Variants in CASK observed in about 807,000 individuals in gnomAD.
CASK encodes the protein peripheral plasma membrane protein CASK.
A neutral mutation model predicts 82.9 loss-of-function variants in CASK; 4 were observed. The observed-to-expected ratio is 0.05, with a 90% confidence interval of 0.02 to 0.11. The LOEUF (loss-of-function observed/expected upper bound fraction) is 0.11, where lower values mean the gene tolerates loss of function less well. CASK is among the 10% of genes least tolerant of loss of function. CASK has a pLI of 1.00. For synonymous variants in CASK, 259 were observed against 253.5 expected, an observed-to-expected ratio of 1.02 and a Z score of -0.20; for missense variants, 358 against 720.9, an observed-to-expected ratio of 0.50 and a Z score of 5.76.
chrX:41,631,521 T>A (rs1327907258), intron 9 of CASK, among the ~76,000 whole-genome samples: 8 of 111,852 alleles, frequency 7.2e-5, no homozygotes, highest in Non-Finnish European at 1.1e-4. Flanking sequence ...CAGGCTGGAG[T>A]GCAATGGTGC....
intron 6 of CASK, among the ~76,000 whole-genome samples, chrX:41,670,678 G>C (rs757907422): frequency 9.0e-5 from 10 of 110,972 alleles, no homozygotes; most frequent in African/African-American, 3.3e-4. Flanking sequence ...AGCCTGGAAG[G>C]TCAAGGGTGC....
At chrX:41,680,319 TA>T (rs2067329848) in intron 5 of CASK, among the ~76,000 whole-genome samples, 1 of 109,875 alleles carries the variant, frequency 9.1e-6, no homozygotes, top group African/African-American at 3.3e-5. Context: ...CTAACTCTAC[TA>T]AAAATACAAA....
At chrX:41,682,831 T>A (rs1361454771) in intron 5 of CASK, among the ~76,000 whole-genome samples, 1 of 109,874 alleles carries the variant, frequency 9.1e-6, no homozygotes, top group African/African-American at 3.3e-5. Context: ...CCCAGGCTCA[T>A]CTCAAACTCC....
intron 9 of CASK, among the ~76,000 whole-genome samples, chrX:41,627,007 T>C (rs2066389518): frequency 8.9e-6 from 1 of 112,083 alleles, no homozygotes; most frequent in African/African-American, 3.2e-5. Context: ...GAAGGGTGTT[T>C]AGTGGAATGA....
intron 14 of CASK, among the ~76,000 whole-genome samples, chrX:41,579,282 C>T (rs1164670070): frequency 9.0e-6 from 1 of 111,726 alleles, no homozygotes; most frequent in Non-Finnish European, 1.9e-5. Context: ...CAAAATATCA[C>T]GTATGATATG....
At chrX:41,546,893 T>C (rs2065030322) in intron 21 of CASK, among the ~76,000 whole-genome samples, 1 of 112,103 alleles carries the variant, frequency 8.9e-6, no homozygotes, top group Admixed American at 9.5e-5. Context: ...AACCCTGCTT[T>C]GACAATTATT....
chrX:41,570,770 T>C (rs2065401689), intron 15 of CASK, among the ~76,000 whole-genome samples: 1 of 112,205 alleles, frequency 8.9e-6, no homozygotes, highest in Non-Finnish European at 1.9e-5. Context: ...CATGTATCAG[T>C]AGTTTGTTCT....
At chrX:41,898,482 G>A (rs1181141015) in intron 1 of CASK, among the ~76,000 whole-genome samples, 6 of 109,969 alleles carry the variant, frequency 5.5e-5, no homozygotes, top group East Asian at 2.8e-4. Flanking sequence ...TTTTGGCCTC[G>A]AGCTTAGTTT....
intron 3 of CASK, among the ~76,000 whole-genome samples, chrX:41,773,810 G>T (rs1423227190): frequency 1.8e-5 from 2 of 111,252 alleles, no homozygotes; most frequent in Non-Finnish European, 3.8e-5. Flanking sequence ...TGGTACACTG[G>T]TATAGGGCAC....
chrX:41,639,439 T>TAA (rs34791433), intron 8 of CASK, among the ~76,000 whole-genome samples: 2,622 of 93,147 alleles, frequency 0.028, 92 homozygotes, highest in African/African-American at 0.09. Flanking sequence ...GATGAGGGTT[T>TAA]AAAAAAAAAA....
intron 1 of CASK, among the ~76,000 whole-genome samples, chrX:41,898,527 G>T (rs189885897): frequency 1.0e-3 from 114 of 111,220 alleles, no homozygotes; most frequent in Non-Finnish European, 1.6e-3. Context: ...GTAAAGTTAG[G>T]TTGTCTATTT....
chrX:41,752,411 C>G (rs2068812434), intron 3 of CASK, among the ~76,000 whole-genome samples: 1 of 110,160 alleles, frequency 9.1e-6, no homozygotes, highest in African/African-American at 3.3e-5. Context: ...CTGCGTCAGC[C>G]TCCCGAGTAG....
intron 3 of CASK, among the ~76,000 whole-genome samples, chrX:41,775,352 T>G (rs780208925): frequency 9.2e-6 from 1 of 109,195 alleles, no homozygotes; most frequent in East Asian, 2.8e-4. Flanking sequence ...CCCACACCAG[T>G]TAGAATGGCA....
intron 14 of CASK, among the ~76,000 whole-genome samples, chrX:41,581,427 A>G (rs2065578083): frequency 9.1e-6 from 1 of 109,807 alleles, no homozygotes; most frequent in African/African-American, 3.3e-5. Flanking sequence ...ATTTACCCTT[A>G]TTTCCTCTTC....
chrX:41,797,736 C>G (rs1375175143), intron 2 of CASK, among the ~76,000 whole-genome samples: 2 of 111,906 alleles, frequency 1.8e-5, no homozygotes, highest in East Asian at 5.6e-4. Flanking sequence ...TATTTCATAG[C>G]AGAACTGGAA....
intron 5 of CASK, among the ~76,000 whole-genome samples, chrX:41,720,413 A>G (rs1242613259): frequency 8.9e-6 from 1 of 112,755 alleles, no homozygotes; most frequent in Non-Finnish European, 1.9e-5. Flanking sequence ...ACTCCTCCTA[A>G]AGATAACCAC....
chrX:41,711,154 TG>T (rs1192331720), intron 5 of CASK, among the ~76,000 whole-genome samples: 1 of 110,758 alleles, frequency 9.0e-6, no homozygotes, highest in African/African-American at 3.3e-5. Flanking sequence ...CATCTAAAGG[TG>T]GGGGCCAGTC....
At chrX:41,523,514 T>C (rs1251189747) in intron 26 of CASK, among the ~76,000 whole-genome samples, 1 of 112,972 alleles carries the variant, frequency 8.9e-6, no homozygotes, top group Non-Finnish European at 1.9e-5. Flanking sequence ...CCCTTTGATC[T>C]GCTCAGCAAT....
intron 2 of CASK, among the ~76,000 whole-genome samples, chrX:41,811,131 T>A (rs748881118): frequency 9.0e-6 from 1 of 111,298 alleles, no homozygotes; most frequent in Non-Finnish European, 1.9e-5. Context: ...ACAATAATAA[T>A]GGGAGACTTT....
Sources: gnomAD v4.1 joint callset for allele counts (sites outside exome capture counted in the v4.1 genomes callset) on GRCh38, gnomAD v4.1.1 for gene constraint, MANE v1.5 for transcripts, NCBI Gene and HGNC (gene_info 2026-07-23, HGNC 2026-07-21) for gene names.